The following METTL15 variants were observed in gnomAD, a reference collection of about 807,000 sequenced individuals.
METTL15 encodes methyltransferase 15, mitochondrial 12S rRNA N4-cytidine.
Under a neutral mutation model 38.3 loss-of-function variants are expected in METTL15, and 34 were observed. That is an observed-to-expected ratio of 0.89 (90% CI 0.68 to 1.18). The LOEUF (loss-of-function observed/expected upper bound fraction) is 1.18. METTL15 is among the 50% of genes most tolerant of loss of function. METTL15 has a pLI of 0.00. For missense variants in METTL15, 438 were observed against 498.4 expected (o/e 0.88, Z 1.15); for synonymous variants, 162 against 170.9 (o/e 0.95, Z 0.41).
chr11:28,219,125 G>A (rs1472390037), intron 4 of METTL15, among the ~76,000 whole-genome samples: 5 of 152,114 alleles, frequency 3.3e-5, no homozygotes, highest in Admixed American at 6.5e-5. Flanking sequence ...AATAGTTTTC[G>A]AAGGAATGGT....
chr11:28,457,830 CT>C (rs1851181930), intron 6 of METTL15, among the ~76,000 whole-genome samples: 1 of 152,208 alleles, frequency 6.6e-6, no homozygotes. Context: ...ATAACATAAT[CT>C]GATGACAATG....
At chr11:28,510,856 A>G (rs1445866804) in intron 6 of METTL15, among the ~76,000 whole-genome samples, 1 of 152,150 alleles carries the variant, frequency 6.6e-6, no homozygotes, top group Non-Finnish European at 1.5e-5. Context: ...ATAATCTCAG[A>G]CTTCCTCAAG....
chr11:28,484,347 C>G (rs776008489), intron 6 of METTL15, among the ~76,000 whole-genome samples: 3 of 152,168 alleles, frequency 2.0e-5, no homozygotes, highest in Non-Finnish European at 2.9e-5. Context: ...GGTTTCAGAG[C>G]CAACTCTCCT....
At chr11:28,506,349 G>A (rs1366396573) in intron 6 of METTL15, among the ~76,000 whole-genome samples, 2 of 152,168 alleles carry the variant, frequency 1.3e-5, no homozygotes, top group African/African-American at 2.4e-5. Flanking sequence ...TTGAATTTCA[G>A]TGTCATTGCT....
At chr11:28,531,630 A>G (rs1326045002), downstream of METTL15, among the ~76,000 whole-genome samples, 1 of 152,116 alleles carries the variant, frequency 6.6e-6, no homozygotes, top group African/African-American at 2.4e-5. Flanking sequence ...ACACTAAGTT[A>G]GATGGTATTG....
intron 5 of METTL15, among the ~76,000 whole-genome samples, chr11:28,388,558 G>T (rs1444750538): frequency 6.6e-6 from 1 of 152,148 alleles, no homozygotes; most frequent in East Asian, 1.9e-4. Context: ...AATACTAAAA[G>T]AAACAAATAA....
chr11:28,154,621 G>T (rs757351005), intron 3 of METTL15, among the ~76,000 whole-genome samples: 1 of 152,072 alleles, frequency 6.6e-6, no homozygotes, highest in African/African-American at 2.4e-5. Flanking sequence ...ACTTGGTACT[G>T]TGTCACTTTG....
intron 4 of METTL15, among the ~76,000 whole-genome samples, chr11:28,233,160 G>A (rs1853762228): frequency 6.6e-6 from 1 of 151,910 alleles, no homozygotes; most frequent in Non-Finnish European, 1.5e-5. Context: ...CTTAAATGCA[G>A]TGACTATAAA....
chr11:28,347,840 G>C (rs1192616965), intron 3 of METTL15, among the ~76,000 whole-genome samples: 5 of 152,156 alleles, frequency 3.3e-5, no homozygotes, highest in Admixed American at 2.0e-4. Flanking sequence ...ATCTCCTTTA[G>C]TAAGCCTTTC....
downstream of METTL15, among the ~76,000 whole-genome samples, chr11:28,527,704 A>G (rs1564957141): frequency 6.6e-6 from 1 of 152,244 alleles, no homozygotes; most frequent in Non-Finnish European, 1.5e-5. Context: ...CTCCCCAAGG[A>G]AGTGATAATT....
At chr11:28,518,431 A>G (rs1851737394) in intron 6 of METTL15, among the ~76,000 whole-genome samples, 1 of 152,222 alleles carries the variant, frequency 6.6e-6, no homozygotes, top group Admixed American at 6.5e-5. Flanking sequence ...TGAAAAGAAT[A>G]TCTGGATTTC....
intron 3 of METTL15, among the ~76,000 whole-genome samples, chr11:28,165,241 G>GT (rs1175349517): frequency 6.6e-6 from 1 of 151,926 alleles, no homozygotes; most frequent in African/African-American, 2.4e-5. Context: ...TTTATTTTTA[G>GT]TTTTTTGAGG....
At chr11:28,427,341 G>C (rs1850874696) in intron 6 of METTL15, among the ~76,000 whole-genome samples, 1 of 152,138 alleles carries the variant, frequency 6.6e-6, no homozygotes. Context: ...CTGTAGCCTT[G>C]TAGTATAGTT....
chr11:28,516,860 T>C (rs1851723875), intron 6 of METTL15: 1 of 152,194 alleles, frequency 6.6e-6, no homozygotes, highest in Non-Finnish European at 1.5e-5. Context: ...GGAATGCCCA[T>C]AGACATCTAA....
intron 3 of METTL15, among the ~76,000 whole-genome samples, chr11:28,162,440 GC>G (rs1391153987): frequency 1.3e-5 from 2 of 152,036 alleles, no homozygotes; most frequent in Non-Finnish European, 2.9e-5. Flanking sequence ...ATGTTGCAAA[GC>G]CCAAGAAAAT....
chr11:28,151,404 T>A (rs920202321), intron 3 of METTL15, among the ~76,000 whole-genome samples: 2 of 151,800 alleles, frequency 1.3e-5, no homozygotes, highest in Non-Finnish European at 2.9e-5. Flanking sequence ...CATCACATCA[T>A]TTTCTAGGGT....
At chr11:28,194,625 T>C (rs1183347675) in intron 3 of METTL15, among the ~76,000 whole-genome samples, 1 of 152,056 alleles carries the variant, frequency 6.6e-6, no homozygotes, top group East Asian at 1.9e-4. Context: ...AATATATCTT[T>C]GTTGAAAAAG....
At chr11:28,189,835 A>C (rs1245910873) in intron 3 of METTL15, among the ~76,000 whole-genome samples, 1 of 151,256 alleles carries the variant, frequency 6.6e-6, no homozygotes, top group Non-Finnish European at 1.5e-5. Flanking sequence ...ATTTCAACAA[A>C]ATGAAGGAAG....
At chr11:28,428,678 A>G (rs1055340533) in intron 6 of METTL15, among the ~76,000 whole-genome samples, 2 of 152,298 alleles carry the variant, frequency 1.3e-5, no homozygotes, top group South Asian at 2.1e-4. Flanking sequence ...ACTTTGCTCT[A>G]TATCTGACAT....
Sources: gnomAD v4.1 joint callset for allele counts (sites outside exome capture counted in the v4.1 genomes callset) on GRCh38, gnomAD v4.1.1 for gene constraint, MANE v1.5 for transcripts, NCBI Gene and HGNC (gene_info 2026-07-23, HGNC 2026-07-21) for gene names.